EPHX1: variants seen among roughly 807,000 people sequenced by gnomAD.
EPHX1 encodes the protein epoxide hydratase.
Under a neutral mutation model 43.2 loss-of-function variants are expected in EPHX1, and 40 were observed. The ratio of observed to expected loss-of-function variants is 0.93; its 90% confidence interval spans 0.72 to 1.21. EPHX1 has a LOEUF of 1.21. EPHX1 is among the 50% of genes most tolerant of loss of function. The pLI is 0.00. For synonymous variants in EPHX1, 221 were observed against 226.7 expected (o/e 0.98, Z 0.22); for missense variants, 550 against 570.4 (o/e 0.96, Z 0.36).
rs35827447 is a variant in EPHX1 at position 225,841,601 on chromosome 1, CT to C, written c.932-747del. Among the ~76,000 whole-genome samples, 128 of 104,428 alleles carry C rather than the reference CT, an allele frequency of 1.2e-3. 1 individual carries two copies. The highest frequency in any genetic ancestry group is 1.8e-3 in the African/African-American group (48 of 26,010). 68.5% of individuals were successfully genotyped at this position (104,428 alleles called of 152,430 possible). On this transcript the variant is annotated intron_variant, in intron 6 of 8. Transcript: ENST00000272167. ...ACCCAGCCTGTCCCACTGTCCCAGC[CT>C]TTTTTTTTTTTTTTTTTGAGACAGA...
At chr1:225,838,106 A>G (rs1265358352) in intron 3 of EPHX1, among the ~76,000 whole-genome samples, 1 of 152,214 alleles carries the variant, frequency 6.6e-6, no homozygotes, top group Admixed American at 6.5e-5. Context: ...CACACAATGG[A>G]TATGACTTGA....
intron 1 of EPHX1, among the ~76,000 whole-genome samples, chr1:225,811,111 G>A (rs1164059476): frequency 6.6e-6 from 1 of 152,094 alleles, no homozygotes; most frequent in African/African-American, 2.4e-5. Context: ...AAACTTGCCC[G>A]GGAGTTCACC....
chr1:225,822,536 T>C (rs902255486), intron 1 of EPHX1, among the ~76,000 whole-genome samples: 10 of 152,182 alleles, frequency 6.6e-5, no homozygotes, highest in Admixed American at 5.2e-4. Flanking sequence ...TTTTGTATTG[T>C]TTTACTTCTC....
At chr1:225,832,430 G>A (rs1441546761) in intron 3 of EPHX1, among the ~76,000 whole-genome samples, 1 of 152,232 alleles carries the variant, frequency 6.6e-6, no homozygotes, top group Non-Finnish European at 1.5e-5. Flanking sequence ...CAGCTACTCT[G>A]GAGGCTGAAG....
At chr1:225,830,708 AC>A (rs1195122012) in intron 2 of EPHX1, among the ~76,000 whole-genome samples, 1 of 152,024 alleles carries the variant, frequency 6.6e-6, no homozygotes, top group African/African-American at 2.4e-5. Context: ...CAAGTGATCC[AC>A]CTGCCTTGGC....
chr1:225,821,344 C>T (rs1256651684), intron 1 of EPHX1, among the ~76,000 whole-genome samples: 1 of 151,868 alleles, frequency 6.6e-6, no homozygotes, highest in African/African-American at 2.4e-5. Context: ...TACCCAGGTT[C>T]AAGCGATTCT....
intron 6 of EPHX1, chr1:225,841,243 T>C (rs1441712167): frequency 6.6e-6 from 1 of 152,200 alleles, no homozygotes; most frequent in Admixed American, 6.6e-5. Flanking sequence ...TTGCTCAATA[T>C]TATGTTTGTG....
At chr1:225,830,321 T>C (rs149543656) in intron 2 of EPHX1, among the ~76,000 whole-genome samples, 26 of 152,212 alleles carry the variant, frequency 1.7e-4, no homozygotes, top group African/African-American at 5.3e-4. Flanking sequence ...CAAAATCTGT[T>C]TGGGGGTAAC....
intron 1 of EPHX1, among the ~76,000 whole-genome samples, chr1:225,826,229 C>T (rs182573111): frequency 2.7e-3 from 416 of 152,000 alleles, no homozygotes; most frequent in Non-Finnish European, 4.0e-3. Flanking sequence ...TTTGGAAAGC[C>T]GAGGTGGGCG....
intron 1 of EPHX1, among the ~76,000 whole-genome samples, chr1:225,819,040 A>G (rs1178894157): frequency 6.7e-6 from 1 of 148,974 alleles, no homozygotes; most frequent in African/African-American, 2.5e-5. Context: ...ATCCTGGCCA[A>G]TATGGTGAAA....
chr1:225,843,837 G>C (rs1668649928), intron 7 of EPHX1, among the ~76,000 whole-genome samples: 1 of 152,226 alleles, frequency 6.6e-6, no homozygotes. Context: ...ACTGGAACTA[G>C]TTTTCATTGA....
chr1:225,828,829 TG>T lies in EPHX1; in HGVS notation c.105del (p.Pro36GlnfsTer55). On this transcript the variant is annotated frameshift_variant, in exon 2 of 9. Coordinates refer to ENST00000272167, the MANE Select transcript of EPHX1 (RefSeq NM_001136018.4). LOFTEE classifies it high-confidence loss of function. ...AACTTTGCCACTTGAAGATGGGTGG[TG>T]GGGGCCAGGCACGAGGTCCGCAGCC... ...EETLPLEDGW[W>X]GPGTRSAARE... 1 of 1,612,940 alleles carries T rather than the reference TG, an allele frequency of 6.2e-7. No individual in the cohort carries two copies. Among genetic ancestry groups the T allele is most frequent in the East Asian group, 2.2e-5 (1 of 44,844 alleles).
intron 7 of EPHX1, among the ~76,000 whole-genome samples, chr1:225,842,954 G>T (rs976113916): frequency 6.6e-6 from 1 of 152,182 alleles, no homozygotes; most frequent in East Asian, 1.9e-4. Context: ...GCCTGACTCA[G>T]GCTTCACCAA....
chr1:225,842,123 G>A (rs1029984831), intron 6 of EPHX1, among the ~76,000 whole-genome samples: 1 of 152,250 alleles, frequency 6.6e-6, no homozygotes, highest in Non-Finnish European at 1.5e-5. Flanking sequence ...AGCTGAGCAG[G>A]CAGTGTGCCA....
chr1:225,823,944 A>G (rs549835782), intron 1 of EPHX1, among the ~76,000 whole-genome samples: 2 of 152,200 alleles, frequency 1.3e-5, no homozygotes, highest in Non-Finnish European at 2.9e-5. Flanking sequence ...CTTACTCCAC[A>G]TAAAGCCGCA....
intron 7 of EPHX1, among the ~76,000 whole-genome samples, chr1:225,843,362 G>A (rs1668596239): frequency 1.3e-5 from 2 of 152,190 alleles, no homozygotes; most frequent in African/African-American, 4.8e-5. Context: ...CTTGGAAAGG[G>A]TGGCTTGTCC....
chr1:225,839,010 T>A, intron 4 of EPHX1, 129 bp downstream of exon 4: 1 of 1,338,416 alleles, frequency 7.5e-7, no homozygotes, highest in Non-Finnish European at 1.0e-6. Context: ...AGGAGGGGCC[T>A]GAGAGGCCGG....
chr1:225,811,783 T>G (rs1666496487), intron 1 of EPHX1, among the ~76,000 whole-genome samples: 1 of 152,086 alleles, frequency 6.6e-6, no homozygotes, highest in South Asian at 2.1e-4. Context: ...CTTTCCCAAA[T>G]TTCCACACCT....
chr1:225,839,407 T>G (rs1198668478), intron 5 of EPHX1, 61 bp downstream of exon 5: 2 of 1,385,860 alleles, frequency 1.4e-6, no homozygotes, highest in Non-Finnish European at 1.9e-6. Context: ...GTGTGTCCTC[T>G]AAGAAGTGGA....
Sources: gnomAD v4.1 joint callset for allele counts (sites outside exome capture counted in the v4.1 genomes callset) on GRCh38, gnomAD v4.1.1 for gene constraint, MANE v1.5 for transcripts, NCBI Gene and HGNC (gene_info 2026-07-23, HGNC 2026-07-21) for gene names.